The following WNK3 variants were observed in gnomAD, a reference collection of about 807,000 sequenced individuals.
WNK3 encodes serine/threonine-protein kinase WNK3.
In WNK3, 18 loss-of-function variants were observed where a neutral mutation model predicts 116.7. The ratio of observed to expected loss-of-function variants is 0.15; its 90% CI spans 0.11 to 0.23. The LOEUF (loss-of-function observed/expected upper bound fraction) is 0.23. Among genes scored for constraint, WNK3 ranks in the 10% least tolerant of loss-of-function variants. The pLI is 1.00. For missense variants in WNK3, 993 were observed against 1,323.8 expected (o/e 0.75, Z 3.88); for synonymous variants, 404 against 469.4 (o/e 0.86, Z 1.80).
intron 22 of WNK3, among the ~76,000 whole-genome samples, chrX:54,213,569 C>CAACA (rs2067646723): frequency 2.8e-5 from 2 of 70,679 alleles, no homozygotes; most frequent in East Asian, 4.0e-4. Context: ...AAAAAACAAA[C>CAACA]AAAAAAAAAA....
chrX:54,250,070 T>C, exon 16 of WNK3: 1 of 1,204,189 alleles, frequency 8.3e-7, no homozygotes, highest in Admixed American at 2.2e-5. Context: ...CACGGTTTCT[T>C]ATCGTCTGAT....
At chrX:54,244,876 C>G (rs2068059139) in intron 17 of WNK3, among the ~76,000 whole-genome samples, 1 of 111,361 alleles carries the variant, frequency 9.0e-6, no homozygotes, top group Non-Finnish European at 1.9e-5. Flanking sequence ...GAGAAAGGCA[C>G]AGACCACAGA....
intron 3 of WNK3, 108 bp downstream of exon 3, chrX:54,311,011 G>T: frequency 1.7e-6 from 1 of 575,871 alleles, no homozygotes; most frequent in Non-Finnish European, 2.6e-6. Flanking sequence ...CACTGCGCCT[G>T]GCCAGATTCT....
chrX:54,285,243 T>C (rs1557163655), intron 10 of WNK3, among the ~76,000 whole-genome samples: 3 of 109,872 alleles, frequency 2.7e-5, no homozygotes, highest in African/African-American at 6.6e-5. Context: ...CCCGTCTCTA[T>C]AAAAAAATCA....
intron 22 of WNK3, among the ~76,000 whole-genome samples, chrX:54,218,510 A>G (rs1791441351): frequency 9.2e-6 from 1 of 109,081 alleles, no homozygotes; most frequent in East Asian, 2.8e-4. Context: ...GAAATAATCA[A>G]CCAACAAGAA....
At chrX:54,312,460 C>T (rs7876597) in intron 2 of WNK3, among the ~76,000 whole-genome samples, 120 of 110,769 alleles carry the variant, frequency 1.1e-3, no homozygotes, top group African/African-American at 3.8e-3. Context: ...TTTTTCTAGA[C>T]GGAGTCTCGC....
At chrX:54,308,353 G>A (rs2068849226) in intron 4 of WNK3, among the ~76,000 whole-genome samples, 1 of 110,020 alleles carries the variant, frequency 9.1e-6, no homozygotes, top group Non-Finnish European at 1.9e-5. Context: ...CACCATGCCT[G>A]GCTAATTTTT....
intron 10 of WNK3, among the ~76,000 whole-genome samples, chrX:54,285,606 T>C (rs1427108962): frequency 8.9e-6 from 1 of 112,030 alleles, no homozygotes. Context: ...CGCCTATTTG[T>C]TTACATATTT....
At position 54,259,255 on chromosome X, in the gene WNK3, T is replaced by TTA. The variant is rs1557156199; in HGVS notation, c.2102+17_2102+18dup. The TTA allele has an allele frequency of 1.8e-6, 2 of 1,130,631 alleles. No homozygotes were observed. Among genetic ancestry groups the TTA allele is most frequent in the South Asian group, 3.9e-5 (2 of 51,211 alleles). The allele number at this position is 1,130,631 out of a possible 1,213,427, so 93.2% of individuals were successfully genotyped here. The stretch of plus-strand genomic sequence containing the variant: ...GCATATCCTCATTGTTCTCATGGTA[T>TTA]TAATTTGAAGATACTTACCTTCGAA... On this transcript the variant is annotated intron_variant, in intron 11 of 23. Transcript: ENST00000354646.
intron 22 of WNK3, among the ~76,000 whole-genome samples, chrX:54,213,565 C>A (rs199639343): frequency 0.29 from 7,064 of 24,439 alleles, 1,793 homozygotes; most frequent in African/African-American, 0.75. Context: ...AAAAAAAAAA[C>A]AAACAAAAAA....
In WNK3 at chrX:54,219,435, T is replaced by G. The variant is rs188284076; in HGVS notation, c.4870+9279A>C. Among the ~76,000 whole-genome samples the G allele has an allele frequency of 1.6e-4, 17 of 109,339 alleles. No individual in the cohort carries two copies. In the East Asian group the frequency reaches 4.9e-3, roughly 31 times the overall value. The allele number at this position is 109,339 out of a possible 115,157, so 94.9% of individuals were successfully genotyped here. On this transcript the variant is annotated intron_variant, in intron 22 of 23. Coordinates refer to ENST00000354646, the Ensembl canonical transcript of WNK3. ...TGGCTCACACCTGTAATCCCAGTAC[T>G]TTGGGAGGCTGAAGCAGGCAGATCA...
chrX:54,290,003 G>T (rs1603391017), intron 10 of WNK3, among the ~76,000 whole-genome samples: 2 of 112,103 alleles, frequency 1.8e-5, no homozygotes, highest in Non-Finnish European at 3.8e-5. Context: ...GGCCAGGCAT[G>T]GTGGCTCACG....
rs990550981 is a variant in WNK3 at position 54,201,690 on chromosome X, C to A, written c.5073+301G>T. ...AAGGTTTTAATGGAACAAAGCCATG[C>A]CCATTTGGTTACATATTCTCTATGG... On this transcript the variant is annotated intron_variant, in intron 23 of 23. Coordinates refer to ENST00000354646, the Ensembl canonical transcript of WNK3. 2.7e-5 allele frequency among the ~76,000 whole-genome samples: 3 copies of A among 111,820 alleles called. No homozygotes were observed. The South Asian group carries it at 1.1e-3, about 42-fold the overall frequency.
At chrX:54,315,294 C>G (rs1389383320) in intron 2 of WNK3, among the ~76,000 whole-genome samples, 3 of 98,932 alleles carry the variant, frequency 3.0e-5, no homozygotes, top group African/African-American at 1.1e-4. Flanking sequence ...CAGAGGGAGA[C>G]CTTGTCTCAA....
chrX:54,292,767 G>A, intron 10 of WNK3, 121 bp downstream of exon 10: 3 of 630,245 alleles, frequency 4.8e-6, no homozygotes, highest in Admixed American at 4.5e-5. Flanking sequence ...ACAACTTTTA[G>A]CTTTTGGTGA....
intron 2 of WNK3, among the ~76,000 whole-genome samples, chrX:54,315,864 C>T (rs1007319465): frequency 1.6e-4 from 18 of 111,538 alleles, no homozygotes; most frequent in African/African-American, 5.9e-4. Flanking sequence ...AGTCTCTCCC[C>T]TGAGGGCTGT....
At chrX:54,327,342 G>A (rs2069117922) in intron 2 of WNK3, among the ~76,000 whole-genome samples, 1 of 111,307 alleles carries the variant, frequency 9.0e-6, no homozygotes, top group Admixed American at 9.7e-5. Context: ...TCAGCACTCT[G>A]AGAGGCAGAG....
At chrX:54,341,745 A>G (rs2069328681) in intron 1 of WNK3, among the ~76,000 whole-genome samples, 1 of 111,946 alleles carries the variant, frequency 8.9e-6, no homozygotes, top group African/African-American at 3.2e-5. Flanking sequence ...TCCAGAAAAT[A>G]CAAAACTACA....
At chrX:54,237,261 T>C in exon 20 of WNK3, 1 of 1,212,024 alleles carries the variant, frequency 8.3e-7, no homozygotes, top group Non-Finnish European at 1.1e-6. Flanking sequence ...ATTCCTTTTC[T>C]GGGGTCACTG....
Sources: gnomAD v4.1 joint callset for allele counts (sites outside exome capture counted in the v4.1 genomes callset) on GRCh38, gnomAD v4.1.1 for gene constraint, MANE v1.5 for transcripts, NCBI Gene and HGNC (gene_info 2026-07-23, HGNC 2026-07-21) for gene names.